Variants in GBP7 observed in about 807,000 individuals in gnomAD.
GBP7 encodes guanylate-binding protein 7.
A neutral mutation model predicts 61.3 loss-of-function variants in GBP7; 43 were observed. The observed-to-expected ratio is 0.70, with a 90% CI of 0.55 to 0.91. GBP7 has a LOEUF of 0.91. Ranked by LOEUF, GBP7 falls within the 40% of genes least tolerant of loss-of-function variation. The pLI is 0.00. For synonymous variants in GBP7, 267 were observed against 271.0 expected (o/e 0.99, Z 0.14); for missense variants, 717 against 740.5 (o/e 0.97, Z 0.37).
In GBP7 at chr1:89,140,449, T is replaced by C. The variant is rs545540243; in HGVS notation, c.1468+1097A>G. On this transcript the variant is annotated intron_variant, in intron 9 of 10. Transcript: ENST00000294671. ...AAAACTTAAAGTATAATAATAATAA[T>C]AAAAAAAACTGAAAAAAAAAAGAAA... Among the ~76,000 whole-genome samples the C allele has an allele frequency of 2.4e-4, 18 of 73,592 alleles. No homozygotes were observed. In the South Asian group the frequency reaches 7.1e-3, roughly 29 times the overall value. 48.3% of individuals were successfully genotyped at this position (73,592 alleles called of 152,430 possible).
intron 8 of GBP7, among the ~76,000 whole-genome samples, chr1:89,144,177 A>G (rs1682016012): frequency 1.3e-5 from 2 of 152,126 alleles, no homozygotes; most frequent in African/African-American, 4.8e-5. Context: ...TGGCCTCCAG[A>G]TGCATCCATT....
chr1:89,155,271 A>T (rs560271719), intron 3 of GBP7, among the ~76,000 whole-genome samples: 1 of 152,334 alleles, frequency 6.6e-6, no homozygotes, highest in South Asian at 2.1e-4. Flanking sequence ...AAAAGCTGAA[A>T]ATTCTAAAAA....
At chr1:89,145,903 AAT>A (rs1553124751) in intron 8 of GBP7, among the ~76,000 whole-genome samples, 7 of 88,960 alleles carry the variant, frequency 7.9e-5, no homozygotes, top group Non-Finnish European at 1.6e-4. Context: ...ATCTAAAAAA[AAT>A]CTACAGGTTT....
At chr1:89,154,922 C>T (rs900680398) in intron 3 of GBP7, among the ~76,000 whole-genome samples, 7 of 152,130 alleles carry the variant, frequency 4.6e-5, no homozygotes, top group African/African-American at 1.2e-4. Context: ...CCCCGACCCC[C>T]GAGTAGCCTA....
At chr1:89,159,345 GC>G (rs1404504478) in intron 3 of GBP7, among the ~76,000 whole-genome samples, 1 of 152,100 alleles carries the variant, frequency 6.6e-6, no homozygotes, top group East Asian at 1.9e-4. Context: ...GGCAACAAAA[GC>G]CAAAATAGAC....
At chr1:89,151,131 T>C (rs966172609) in intron 5 of GBP7, among the ~76,000 whole-genome samples, 5 of 152,202 alleles carry the variant, frequency 3.3e-5, no homozygotes, top group African/African-American at 1.2e-4. Flanking sequence ...ATAGTTCTCC[T>C]GCAGTATATT....
At chr1:89,156,596 G>A (rs969196327) in intron 3 of GBP7, among the ~76,000 whole-genome samples, 5 of 152,020 alleles carry the variant, frequency 3.3e-5, no homozygotes, top group South Asian at 4.1e-4. Flanking sequence ...AACAAAGACT[G>A]AAAGAGACAA....
chr1:89,167,293 G>C (rs1342897524), intron 2 of GBP7, among the ~76,000 whole-genome samples: 1 of 152,044 alleles, frequency 6.6e-6, no homozygotes. Flanking sequence ...TTTTTGTCTA[G>C]TTCAGGATCT....
At chr1:89,149,220 A>G in intron 7 of GBP7, 72 bp downstream of exon 7, 4 of 1,312,216 alleles carry the variant, frequency 3.0e-6, no homozygotes, top group Non-Finnish European at 4.2e-6. Flanking sequence ...GAACCATGGC[A>G]TTAAAAAGGT....
At chr1:89,153,995 T>A (rs971609311) in intron 3 of GBP7, among the ~76,000 whole-genome samples, 5 of 152,188 alleles carry the variant, frequency 3.3e-5, no homozygotes, top group African/African-American at 4.8e-5. Context: ...TTAATTCAAC[T>A]GAATGAGTGA....
At chr1:89,141,849 G>T (rs568719090) in intron 8 of GBP7, among the ~76,000 whole-genome samples, 2 of 152,146 alleles carry the variant, frequency 1.3e-5, no homozygotes, top group Non-Finnish European at 2.9e-5. Context: ...CTGTGTAGCA[G>T]CCTCCCTCCT....
chr1:89,173,388 G>A (rs1647659120), intron 1 of GBP7, among the ~76,000 whole-genome samples: 1 of 152,158 alleles, frequency 6.6e-6, no homozygotes, highest in Admixed American at 6.6e-5. Flanking sequence ...ACACATCTGA[G>A]CTTATTCAAG....
At chr1:89,164,645 G>A (rs915453588) in intron 3 of GBP7, 86 bp downstream of exon 3, 46 of 1,300,894 alleles carry the variant, frequency 3.5e-5, no homozygotes, top group Non-Finnish European at 4.9e-5. Context: ...TTCAGGAATA[G>A]GCCAGAGAAG....
At position 89,168,538 on chromosome 1, in the gene GBP7, A is replaced by G. The variant is rs1397626725; in HGVS notation, c.190+3208T>C. Among the ~76,000 whole-genome samples the G allele has an allele frequency of 3.3e-5, 5 of 152,314 alleles. No homozygotes were observed. In the East Asian group the frequency reaches 7.7e-4, roughly 24 times the overall value. Reference sequence around the variant, plus strand: ...AAATTCAAGACTGCTTGGAGCATGTATTTTTCCACCAGCTCTAGCTAAAAT... The same window carrying G: ...AAATTCAAGACTGCTTGGAGCATGTGTTTTTCCACCAGCTCTAGCTAAAAT... On this transcript the variant is annotated intron_variant, in intron 2 of 10. Transcript: ENST00000294671.
intron 2 of GBP7, 37 bp from the exon 3 acceptor site, chr1:89,164,895 C>T: frequency 6.2e-7 from 1 of 1,608,934 alleles, no homozygotes; most frequent in Non-Finnish European, 8.5e-7. Flanking sequence ...ATAGTGACAG[C>T]AGAATCCAGG....
At chr1:89,166,161 A>C (rs1213434587) in intron 2 of GBP7, among the ~76,000 whole-genome samples, 2 of 152,202 alleles carry the variant, frequency 1.3e-5, no homozygotes, top group Non-Finnish European at 2.9e-5. Context: ...GCAACACTCA[A>C]GAGGAAGAAA....
intron 3 of GBP7, among the ~76,000 whole-genome samples, chr1:89,155,914 C>G (rs1364011502): frequency 6.6e-6 from 1 of 152,066 alleles, no homozygotes; most frequent in Non-Finnish European, 1.5e-5. Context: ...GTCAGATTCA[C>G]CAAAGTTGAA....
chr1:89,150,259 A>ATAAGCTTAGTTTACTAAG, intron 6 of GBP7, 71 bp downstream of exon 6: 2 of 1,423,922 alleles, frequency 1.4e-6, no homozygotes, highest in Non-Finnish European at 2.0e-6. Context: ...GTTCGTGCTC[A>ATAAGCTTAGTTTACTAAG]TAAGCTTAGT....
intron 2 of GBP7, among the ~76,000 whole-genome samples, chr1:89,166,228 C>G (rs919725829): frequency 6.6e-6 from 1 of 152,182 alleles, no homozygotes; most frequent in South Asian, 2.1e-4. Flanking sequence ...GGTCCGGGTA[C>G]TGGGTTCATC....
Sources: allele counts gnomAD v4.1 joint callset (sites outside exome capture counted in the v4.1 genomes callset), GRCh38; gene constraint gnomAD v4.1.1; transcripts MANE v1.5; gene names NCBI Gene and HGNC (gene_info 2026-07-23, HGNC 2026-07-21).